SV2C: variants seen among roughly 807,000 people sequenced by gnomAD.
The protein encoded by SV2C is synaptic vesicle glycoprotein 2C.
In SV2C, 49 loss-of-function variants were observed where a neutral mutation model predicts 79.7. The ratio of observed to expected loss-of-function variants is 0.61; its 90% CI spans 0.49 to 0.78. The LOEUF (loss-of-function observed/expected upper bound fraction) is 0.78. SV2C is among the 30% of genes least tolerant of loss of function. SV2C has a pLI of 0.00. For missense variants in SV2C, 833 were observed against 912.9 expected (o/e 0.91, Z 1.13); for synonymous variants, 334 against 333.2 (o/e 1.00, Z -0.03).
chr5:75,962,820 G>T, the SV2C span, among the ~76,000 whole-genome samples: 1 of 152,098 alleles, frequency 6.6e-6, no homozygotes, highest in Non-Finnish European at 1.5e-5. Flanking sequence ...AAACCACATA[G>T]ACTGAGAATG....
intron 1 of SV2C, among the ~76,000 whole-genome samples, chr5:76,096,806 A>G (rs1747578386): frequency 1.3e-5 from 2 of 152,190 alleles, no homozygotes; most frequent in South Asian, 4.1e-4. Flanking sequence ...TGAATAGAAT[A>G]AAAGGCTGAT....
intron 12 of SV2C, among the ~76,000 whole-genome samples, chr5:76,314,271 G>A (rs1748551039): frequency 6.6e-6 from 1 of 152,192 alleles, no homozygotes; most frequent in Non-Finnish European, 1.5e-5. Context: ...GAGCATTTGG[G>A]CCAGTGTAAG....
At chr5:76,057,159 C>T in the SV2C span, among the ~76,000 whole-genome samples, 1 of 152,096 alleles carries the variant, frequency 6.6e-6, no homozygotes, top group East Asian at 1.9e-4. Flanking sequence ...TTTAACACTG[C>T]TTTAGATGTG....
intron 4 of SV2C, among the ~76,000 whole-genome samples, chr5:76,216,964 G>A (rs1465282659): frequency 6.6e-6 from 1 of 152,214 alleles, no homozygotes; most frequent in Non-Finnish European, 1.5e-5. Flanking sequence ...TTAAATTCAT[G>A]TGCGCATCAG....
chr5:76,167,738 A>G (rs1212420773), intron 2 of SV2C, among the ~76,000 whole-genome samples: 3 of 152,226 alleles, frequency 2.0e-5, no homozygotes, highest in African/African-American at 7.2e-5. Context: ...GAAGCCATGC[A>G]GTCTGGCTCC....
the SV2C span, among the ~76,000 whole-genome samples, chr5:75,985,408 C>T: frequency 2.0e-5 from 3 of 151,978 alleles, no homozygotes; most frequent in Admixed American, 1.3e-4. Flanking sequence ...CAACCCATAG[C>T]AATTGATCAA....
At chr5:76,048,714 A>T in the SV2C span, among the ~76,000 whole-genome samples, 1 of 151,808 alleles carries the variant, frequency 6.6e-6, no homozygotes, top group East Asian at 1.9e-4. Context: ...TAGAGGAAAG[A>T]CCGTGTAAGA....
chr5:76,347,016 T>TA (rs1749557428), intron 12 of SV2C, among the ~76,000 whole-genome samples: 1 of 151,892 alleles, frequency 6.6e-6, no homozygotes. Context: ...AGTGTATTGA[T>TA]AAAAAGCTCT....
At chr5:76,178,138 C>G (rs1743599791) in intron 2 of SV2C, among the ~76,000 whole-genome samples, 1 of 152,094 alleles carries the variant, frequency 6.6e-6, no homozygotes, top group African/African-American at 2.4e-5. Context: ...CCTCAGGGCT[C>G]CAAAAGCAAG....
Position 76,217,998 on chromosome 5 carries a change from C to T in SV2C, c.913+8111C>T, listed in dbSNP as rs114806962. On this transcript the variant is annotated intron_variant, in intron 4 of 12. Coordinates refer to ENST00000502798, the MANE Select transcript of SV2C (RefSeq NM_014979.4). ...GAGCATCAACTACCAGCTGATTCTG[C>T]GGGTTATATGGGCAGCACCAGAGCC... is the stretch of plus-strand genomic sequence containing the variant. Among the ~76,000 whole-genome samples, 996 of 152,256 alleles carry T rather than the reference C, an allele frequency of 6.5e-3. 13 individuals are homozygous for T. The highest frequency in any genetic ancestry group is 0.023 in the African/African-American group (939 of 41,550).
chr5:76,152,825 T>C (rs1192389137), intron 2 of SV2C, among the ~76,000 whole-genome samples: 1 of 152,202 alleles, frequency 6.6e-6, no homozygotes, highest in Non-Finnish European at 1.5e-5. Context: ...AAGGTAGGGA[T>C]GTAGGCAGTT....
At chr5:75,986,780 T>C in the SV2C span, among the ~76,000 whole-genome samples, 4 of 152,114 alleles carry the variant, frequency 2.6e-5, no homozygotes, top group African/African-American at 9.6e-5. Context: ...CATTTCTTTA[T>C]GTCTTGTGTC....
chr5:75,903,483 A>C, the SV2C span, among the ~76,000 whole-genome samples: 1 of 152,062 alleles, frequency 6.6e-6, no homozygotes, highest in African/African-American at 2.4e-5. Context: ...TTCTCAAAAC[A>C]AGTGTGACCT....
the SV2C span, among the ~76,000 whole-genome samples, chr5:75,917,098 A>G: frequency 6.6e-6 from 1 of 150,816 alleles, no homozygotes; most frequent in Non-Finnish European, 1.5e-5. Context: ...CTCCCTTCCC[A>G]CTCCTCTACG....
In SV2C at chr5:76,160,768, G is replaced by A. The variant is rs1742875368; in HGVS notation, c.580+28438G>A. ...AGAAATATTTTCAAATGACCAATAA[G>A]CACATGAGAAGATGCTTGGCATCAT... is the stretch of plus-strand genomic sequence containing the variant. On this transcript the variant is annotated intron_variant, in intron 2 of 12. Coordinates refer to ENST00000502798, the MANE Select transcript of SV2C (RefSeq NM_014979.4). Among the ~76,000 whole-genome samples the A allele has an allele frequency of 3.9e-5, 6 of 152,270 alleles. No homozygotes were observed. In the South Asian group the frequency reaches 1.0e-3, roughly 26 times the overall value.
At chr5:76,084,086 A>AT (rs1747088302) in intron 1 of SV2C, 1 of 152,304 alleles carries the variant, frequency 6.6e-6, no homozygotes, top group African/African-American at 2.4e-5. Flanking sequence ...TCCCACATAC[A>AT]TTCCCGAAGC....
At chr5:76,195,962 G>A (rs540868028) in intron 3 of SV2C, among the ~76,000 whole-genome samples, 8 of 152,058 alleles carry the variant, frequency 5.3e-5, no homozygotes, top group African/African-American at 1.7e-4. Flanking sequence ...AGAACTTAGA[G>A]ACTTTTTTTT....
the SV2C span, among the ~76,000 whole-genome samples, chr5:76,060,443 T>C: frequency 6.6e-6 from 1 of 152,142 alleles, no homozygotes; most frequent in East Asian, 1.9e-4. Flanking sequence ...CTTGCACTTT[T>C]GTGTAAGTGC....
chr5:76,285,744 C>T (rs962923238), intron 5 of SV2C, 37 bp from the exon 6 acceptor site: 1 of 1,572,212 alleles, frequency 6.4e-7, no homozygotes, highest in Admixed American at 1.7e-5. Context: ...GTAAGTGTGT[C>T]ACTCCTAGCG....
Sources: gnomAD v4.1 joint callset for allele counts (sites outside exome capture counted in the v4.1 genomes callset) on GRCh38, gnomAD v4.1.1 for gene constraint, MANE v1.5 for transcripts, NCBI Gene and HGNC (gene_info 2026-07-23, HGNC 2026-07-21) for gene names.